The following ROR2 variants were observed in gnomAD, a reference collection of about 807,000 sequenced individuals.
ROR2 encodes the protein ROR family WNT receptor 2, also known as tyrosine-protein kinase transmembrane receptor ROR2.
ROR2 carries 33 observed loss-of-function variants against 74.9 expected under a neutral mutation model. That is an observed-to-expected ratio of 0.44 (90% confidence interval 0.33 to 0.59). The LOEUF (loss-of-function observed/expected upper bound fraction) is 0.59. ROR2 is among the 20% of genes least tolerant of loss of function. The pLI is 0.02. For synonymous variants in ROR2, 586 were observed against 558.7 expected (o/e 1.05, Z -0.69); for missense variants, 1,216 against 1,313.8 (o/e 0.93, Z 1.15).
chr9:91,814,574 C>A (rs925543989), intron 1 of ROR2, among the ~76,000 whole-genome samples: 27 of 152,236 alleles, frequency 1.8e-4, no homozygotes, highest in Non-Finnish European at 3.4e-4. Context: ...AGCAGACCAG[C>A]TGTTACATAC....
intron 1 of ROR2, among the ~76,000 whole-genome samples, chr9:91,829,549 C>CAAAAAAAA (rs34687056): frequency 0.095 from 3,845 of 40,428 alleles, 715 homozygotes; most frequent in Middle Eastern, 0.12. Context: ...GACTCCGTCT[C>CAAAAAAAA]AAAAAAAAAA....
intron 1 of ROR2, among the ~76,000 whole-genome samples, chr9:91,817,955 G>C (rs778147891): frequency 4.6e-5 from 7 of 152,162 alleles, no homozygotes; most frequent in Non-Finnish European, 7.3e-5. Flanking sequence ...GTGGGGGAAA[G>C]GGAGCCTCAA....
At chr9:91,821,176 A>C (rs1782637734) in intron 1 of ROR2, among the ~76,000 whole-genome samples, 1 of 151,898 alleles carries the variant, frequency 6.6e-6, no homozygotes, top group Admixed American at 6.6e-5. Context: ...CACAGGGAGA[A>C]GACAGCATCT....
intron 1 of ROR2, among the ~76,000 whole-genome samples, chr9:91,922,599 G>A (rs566309506): frequency 2.7e-4 from 41 of 152,104 alleles, no homozygotes; most frequent in Non-Finnish European, 2.9e-4. Context: ...GACTACAGGC[G>A]CGTACCACCA....
At chr9:91,937,029 C>CAAAAAAAAAAAAAAAA (rs540672189) in intron 1 of ROR2, among the ~76,000 whole-genome samples, 24 of 65,630 alleles carry the variant, frequency 3.7e-4, no homozygotes, top group Admixed American at 7.8e-4. Context: ...GACTCCGTCT[C>CAAAAAAAAAAAAAAAA]AAAAAAAAAA....
At chr9:91,760,149 T>C (rs1340896517) in intron 2 of ROR2, among the ~76,000 whole-genome samples, 1 of 152,236 alleles carries the variant, frequency 6.6e-6, no homozygotes, top group African/African-American at 2.4e-5. Context: ...CAGTGTTCTT[T>C]GCTGTCTCTC....
chr9:91,881,119 T>C lies in ROR2; in HGVS notation c.97+68748A>G, dbSNP rs78470540. On this transcript the variant is annotated intron_variant, in intron 1 of 8. Coordinates refer to ENST00000375708, the MANE Select transcript of ROR2 (RefSeq NM_004560.4). Reference sequence around the variant, plus strand: ...CTTCCATATACTCTACTTGCAACTTTCCAGTAAGTTCTGAACTTCACAAAT... The same window carrying C: ...CTTCCATATACTCTACTTGCAACTTCCCAGTAAGTTCTGAACTTCACAAAT... Among the ~76,000 whole-genome samples, 441 of 152,330 alleles carry C rather than the reference T, an allele frequency of 2.9e-3. 4 individuals carry two copies. The highest frequency in any genetic ancestry group is 0.01 in the African/African-American group (423 of 41,576).
At chr9:91,828,758 T>C (rs570163050) in intron 1 of ROR2, among the ~76,000 whole-genome samples, 1 of 152,272 alleles carries the variant, frequency 6.6e-6, no homozygotes, top group African/African-American at 2.4e-5. Flanking sequence ...AAAATAGTAA[T>C]TGCATCTTCT....
intron 1 of ROR2, among the ~76,000 whole-genome samples, chr9:91,933,332 CACAAAGT>C (rs1831599838): frequency 1.3e-5 from 2 of 151,964 alleles, no homozygotes; most frequent in Non-Finnish European, 2.9e-5. Flanking sequence ...TAATACTTTG[CACAAAGT>C]ACTGGACTGG....
chr9:91,785,301 G>A (rs1040030907), intron 1 of ROR2, among the ~76,000 whole-genome samples: 2 of 152,100 alleles, frequency 1.3e-5, no homozygotes, highest in South Asian at 2.1e-4. Context: ...GTTGTTTCAG[G>A]CCCCTGTTTC....
intron 1 of ROR2, among the ~76,000 whole-genome samples, chr9:91,837,363 T>C (rs760674862): frequency 1.3e-5 from 2 of 152,238 alleles, no homozygotes; most frequent in African/African-American, 2.4e-5. Flanking sequence ...TGAGCCACTG[T>C]GCCCAGCCTG....
chr9:91,733,127 C>A lies in ROR2; in HGVS notation c.932G>T (p.Gly311Val), dbSNP rs2118698835. The A allele has an allele frequency of 1.3e-6, 2 of 1,593,730 alleles. No individual in the cohort carries two copies. The highest frequency in any genetic ancestry group is 1.7e-6 in the Non-Finnish European group (2 of 1,172,088). Residue 311 changes from glycine to valine, a missense_variant, in exon 6 of 9, where the codon GGC (glycine) becomes GTC (valine). By Grantham distance (109) the Gly-to-Val change is moderately radical (BLOSUM62 -3). Transcript: ENST00000375708. This position sits in a 1 kb window ranked among gnomAD's most constrained non-coding sequence, Gnocchi z 5.7. ...CCGGGCCCTCGGGCACTCACAGCGG[C>A]CCAGCCTCTCGGCTGGGATGCCAAT... ...MRIGIPAERL[G>V]RYHQCYNGSG...
chr9:91,816,547 C>A (rs577331255), intron 1 of ROR2, among the ~76,000 whole-genome samples: 42 of 152,262 alleles, frequency 2.8e-4, no homozygotes, highest in African/African-American at 9.9e-4. Flanking sequence ...TGGACCTGAT[C>A]TCCTTGCAGA....
rs557104022 is a variant in ROR2 at position 91,820,118 on chromosome 9, T to G, written c.98-44300A>C. 1.4e-3 allele frequency among the ~76,000 whole-genome samples: 218 copies of G among 152,362 alleles called. 3 individuals carry two copies. Among genetic ancestry groups the G allele is most frequent in the African/African-American group, 4.9e-3 (204 of 41,574 alleles). On this transcript the variant is annotated intron_variant, in intron 1 of 8. Transcript: ENST00000375708. ...ACAGCTATCTTTGTAATCTTTTTCC[T>G]TTCTACTTAAAAATTAACGTACATT...
At chr9:91,793,454 C>T (rs1370960377) in intron 1 of ROR2, among the ~76,000 whole-genome samples, 2 of 151,566 alleles carry the variant, frequency 1.3e-5, no homozygotes, top group African/African-American at 4.8e-5. Flanking sequence ...GCATATAATA[C>T]AAAACCATGA....
chr9:91,776,303 C>T (rs1210074104), intron 1 of ROR2, among the ~76,000 whole-genome samples: 5 of 152,170 alleles, frequency 3.3e-5, no homozygotes, highest in African/African-American at 1.2e-4. Flanking sequence ...AGCCAAGTAC[C>T]CACCCCACAA....
intron 1 of ROR2, among the ~76,000 whole-genome samples, chr9:91,875,526 C>T (rs1829932122): frequency 6.6e-6 from 1 of 152,084 alleles, no homozygotes. Context: ...CTTTATTTTC[C>T]TTCCTAAAAG....
At chr9:91,922,458 A>ATTT (rs569721605) in intron 1 of ROR2, among the ~76,000 whole-genome samples, 20 of 151,608 alleles carry the variant, frequency 1.3e-4, no homozygotes, top group African/African-American at 2.7e-4. Context: ...TAATTTTTTT[A>ATTT]TTTTTTATTT....
At chr9:91,765,834 C>T (rs952820282) in intron 2 of ROR2, among the ~76,000 whole-genome samples, 1 of 152,102 alleles carries the variant, frequency 6.6e-6, no homozygotes, top group Non-Finnish European at 1.5e-5. Context: ...CTAGCAGAAT[C>T]GTTTCTATAT....
Sources: allele counts gnomAD v4.1 joint callset (sites outside exome capture counted in the v4.1 genomes callset), GRCh38; gene constraint gnomAD v4.1.1; non-coding constraint Gnocchi (gnomAD v3.1); transcripts MANE v1.5; gene names NCBI Gene and HGNC (gene_info 2026-07-23, HGNC 2026-07-21).